Variants in FBXW10B observed in about 807,000 individuals in gnomAD.
FBXW10B encodes F-box and WD repeat domain containing protein 10B.
the FBXW10B span, chr17:15,605,533 G>C: frequency 7.1e-7 from 1 of 1,405,802 alleles, no homozygotes; most frequent in East Asian, 2.5e-5. Flanking sequence ...GGAAAATCCA[G>C]GGCCTTTCAA....
the FBXW10B span, among the ~76,000 whole-genome samples, chr17:15,595,596 C>T: frequency 2.0e-5 from 3 of 152,022 alleles, no homozygotes; most frequent in African/African-American, 7.2e-5. Context: ...CCAGAGTGCA[C>T]ATGGGCCATC....
At chr17:15,602,630 T>C in the FBXW10B span, among the ~76,000 whole-genome samples, 42 of 81,634 alleles carry the variant, frequency 5.1e-4, no homozygotes, top group African/African-American at 1.5e-3. Context: ...CCGAGTTTTT[T>C]TTTTTTTTTT....
the FBXW10B span, among the ~76,000 whole-genome samples, chr17:15,579,710 C>G: frequency 6.6e-6 from 1 of 152,242 alleles, no homozygotes; most frequent in Non-Finnish European, 1.5e-5. Flanking sequence ...ATAGGCTTCT[C>G]TGAGACATTA....
the FBXW10B span, among the ~76,000 whole-genome samples, chr17:15,596,228 T>A: frequency 6.6e-6 from 1 of 152,044 alleles, no homozygotes; most frequent in African/African-American, 2.4e-5. Flanking sequence ...GTACTTCACC[T>A]CCACTGCTGT....
the FBXW10B span, among the ~76,000 whole-genome samples, chr17:15,603,993 T>C: frequency 7.0e-6 from 1 of 142,034 alleles, no homozygotes; most frequent in South Asian, 2.4e-4. Flanking sequence ...GGCAAGAGAA[T>C]GGTGTGAACC....
At chr17:15,604,325 CTGG>C in the FBXW10B span, among the ~76,000 whole-genome samples, 2 of 151,860 alleles carry the variant, frequency 1.3e-5, no homozygotes, top group African/African-American at 2.4e-5. Context: ...ACTAATACTT[CTGG>C]AGATGTATAA....
the FBXW10B span, among the ~76,000 whole-genome samples, chr17:15,604,573 C>A: frequency 1.3e-5 from 2 of 151,992 alleles, no homozygotes; most frequent in Non-Finnish European, 2.9e-5. Context: ...CTTGCTGTGT[C>A]GCCCAGTCTG....
At chr17:15,614,104 C>T in the FBXW10B span, 1 of 1,498,700 alleles carries the variant, frequency 6.7e-7, no homozygotes, top group Non-Finnish European at 9.1e-7. Flanking sequence ...GAACAAGTCC[C>T]CACCAAAAGC....
chr17:15,613,713 A>G, the FBXW10B span: 1 of 1,611,764 alleles, frequency 6.2e-7, no homozygotes, highest in Non-Finnish European at 8.5e-7. Context: ...ACAGAGGCGC[A>G]CTTGTTCAGG....
the FBXW10B span, among the ~76,000 whole-genome samples, chr17:15,569,604 T>G: frequency 1.3e-5 from 2 of 151,462 alleles, no homozygotes; most frequent in Non-Finnish European, 2.9e-5. Context: ...GAATTACAGG[T>G]GCCAGTCGCT....
At chr17:15,576,576 C>T in the FBXW10B span, among the ~76,000 whole-genome samples, 1 of 152,250 alleles carries the variant, frequency 6.6e-6, no homozygotes, top group South Asian at 2.1e-4. Flanking sequence ...ATTTCAGAGA[C>T]ATCTGTATTT....
At chr17:15,610,615 C>A in the FBXW10B span, among the ~76,000 whole-genome samples, 24 of 152,314 alleles carry the variant, frequency 1.6e-4, no homozygotes, top group Non-Finnish European at 3.5e-4. Context: ...ACTGTCTGTT[C>A]TTTCTGGCTG....
At chr17:15,605,710 G>A in the FBXW10B span, among the ~76,000 whole-genome samples, 293 of 152,198 alleles carry the variant, frequency 1.9e-3, 2 homozygotes, top group Non-Finnish European at 1.7e-3. Context: ...AGAGAACAGA[G>A]TATGTGGCAT....
At chr17:15,618,137 G>A in the FBXW10B span, among the ~76,000 whole-genome samples, 76 of 152,228 alleles carry the variant, frequency 5.0e-4, no homozygotes, top group African/African-American at 1.8e-3. Context: ...AGACCAGCCT[G>A]GCCAGCATGG....
At chr17:15,594,377 C>T in the FBXW10B span, among the ~76,000 whole-genome samples, 3 of 148,302 alleles carry the variant, frequency 2.0e-5, no homozygotes, top group African/African-American at 7.5e-5. Flanking sequence ...AAGGCTGAGA[C>T]AGGAGAATAG....
chr17:15,599,643 T>C, the FBXW10B span, among the ~76,000 whole-genome samples: 1 of 150,610 alleles, frequency 6.6e-6, no homozygotes, highest in Non-Finnish European at 1.5e-5. Context: ...TCCAAAATAT[T>C]TATGCACATA....
the FBXW10B span, among the ~76,000 whole-genome samples, chr17:15,585,658 GAGA>G: frequency 6.6e-6 from 1 of 152,206 alleles, no homozygotes; most frequent in Non-Finnish European, 1.5e-5. Context: ...TGTTGTGGTG[GAGA>G]AGAACTCTCT....
chr17:15,583,972 T>C, the FBXW10B span, among the ~76,000 whole-genome samples: 1 of 152,222 alleles, frequency 6.6e-6, no homozygotes. Flanking sequence ...TAGAAGATGG[T>C]GCTCTCATAT....
chr17:15,576,394 A>G, the FBXW10B span, among the ~76,000 whole-genome samples: 3 of 152,212 alleles, frequency 2.0e-5, no homozygotes, highest in African/African-American at 7.2e-5. Flanking sequence ...AACTAGCCAC[A>G]TGTATAAAAT....
Sources: allele counts gnomAD v4.1 joint callset (sites outside exome capture counted in the v4.1 genomes callset), GRCh38; gene constraint gnomAD v4.1.1; transcripts MANE v1.5; gene names NCBI Gene and HGNC (gene_info 2026-07-23, HGNC 2026-07-21).